Variants in SORCS2 observed in about 807,000 individuals in gnomAD.
The protein encoded by SORCS2 is sortilin related VPS10 domain containing receptor 2.
SORCS2 carries 100 observed loss-of-function variants against 141.6 expected under a neutral mutation model. That is an observed-to-expected ratio of 0.71 (90% CI 0.60 to 0.83). The LOEUF is 0.83. Among genes scored for constraint, SORCS2 ranks in the 40% least tolerant of loss-of-function variants. The pLI is 0.00. For missense variants in SORCS2, 1,646 were observed against 1,560.2 expected, an observed-to-expected ratio of 1.05 and a Z score of -0.93; for synonymous variants, 789 against 676.9, an observed-to-expected ratio of 1.17 and a Z score of -2.57.
At chr4:7,509,491 C>T (rs185532940) in intron 2 of SORCS2, among the ~76,000 whole-genome samples, 3 of 152,264 alleles carry the variant, frequency 2.0e-5, no homozygotes, top group East Asian at 3.9e-4. Flanking sequence ...GCATGTGTTG[C>T]CCATGAGACA....
At chr4:7,296,938 G>A (rs1717106524) in intron 1 of SORCS2, among the ~76,000 whole-genome samples, 1 of 152,190 alleles carries the variant, frequency 6.6e-6, no homozygotes. Context: ...TGTCCGAGGT[G>A]CCCAGGCCAG....
chr4:7,253,324 A>G lies in SORCS2; in HGVS notation c.480+60198A>G, dbSNP rs577625076. 4.3e-3 allele frequency among the ~76,000 whole-genome samples: 658 copies of G among 152,292 alleles called. 2 individuals carry two copies. Among genetic ancestry groups the G allele is most frequent in the Non-Finnish European group, 6.3e-3 (428 of 68,014 alleles). On this transcript the variant is annotated intron_variant, in intron 1 of 26. Coordinates refer to ENST00000507866, the MANE Select transcript of SORCS2 (RefSeq NM_020777.3). ...CTGGGGTCCAGGGCCCCAAGGCTCC[A>G]TCCTGAATCTGTGGCCCTGTGTCCC...
chr4:7,219,806 G>C (rs1328681428), intron 1 of SORCS2, among the ~76,000 whole-genome samples: 1 of 134,626 alleles, frequency 7.4e-6, no homozygotes, highest in Admixed American at 7.6e-5. Context: ...TGGGAATTTG[G>C]AGGGCCTGTG....
At chr4:7,725,349 G>A (rs1161417846) in intron 20 of SORCS2, 62 bp downstream of exon 20, 3 of 1,559,124 alleles carry the variant, frequency 1.9e-6, no homozygotes, top group Non-Finnish European at 2.6e-6. Flanking sequence ...GCTGCACAGT[G>A]GGGCAGAGCA....
intron 1 of SORCS2, among the ~76,000 whole-genome samples, chr4:7,234,193 C>T (rs1479122692): frequency 6.6e-6 from 1 of 152,224 alleles, no homozygotes; most frequent in African/African-American, 2.4e-5. Flanking sequence ...TGTATTGATT[C>T]TTTTGATACC....
At chr4:7,449,678 C>T (rs1043810589) in intron 2 of SORCS2, among the ~76,000 whole-genome samples, 5 of 151,980 alleles carry the variant, frequency 3.3e-5, no homozygotes, top group Non-Finnish European at 5.9e-5. Context: ...TCCGGAGCCC[C>T]CACATCCTCC....
rs1177388727 is a variant in SORCS2 at position 7,664,807 on chromosome 4, C to A, written c.1071+336C>A. Among the ~76,000 whole-genome samples the A allele has an allele frequency of 6.6e-6, 1 of 152,212 alleles. No individual in the cohort carries two copies. Among genetic ancestry groups the A allele is most frequent in the Non-Finnish European group, 1.5e-5 (1 of 68,036 alleles). ...GGAACTGACCAGGACTGCTTCTGGT[C>A]CCGGCTCTTGGCCACCAGGCACCGG... is the stretch of plus-strand genomic sequence containing the variant. On this transcript the variant is annotated intron_variant, in intron 7 of 26. Transcript: ENST00000507866. This position sits in a 1 kb window ranked among gnomAD's most constrained non-coding sequence, Gnocchi z 4.7.
intron 3 of SORCS2, among the ~76,000 whole-genome samples, chr4:7,607,263 T>A (rs924157643): frequency 2.0e-5 from 3 of 152,228 alleles, no homozygotes; most frequent in Non-Finnish European, 4.4e-5. Context: ...AAAATATGTG[T>A]TCAGCATTTC....
chr4:7,387,600 A>T (rs200717118), intron 1 of SORCS2, among the ~76,000 whole-genome samples: 10,053 of 91,986 alleles, frequency 0.11, 988 homozygotes, highest in African/African-American at 0.28. Flanking sequence ...TACACAGAGA[A>T]ACGCACATGC....
chr4:7,193,236 G>A lies in SORCS2; in HGVS notation c.480+110G>A. ...GATCCCCACTATGGTCATCAGGGGC[G>A]GGTTCTTGGCGACTTGGGCACTTGG... On this transcript the variant is annotated intron_variant, in intron 1 of 26. Coordinates refer to ENST00000507866, the MANE Select transcript of SORCS2 (RefSeq NM_020777.3). The surrounding 1 kb of genome is among the most constrained non-coding windows in gnomAD (Gnocchi z 4.8). 1 of 1,273,016 alleles carries A rather than the reference G, an allele frequency of 7.9e-7. No homozygotes were observed. The highest frequency in any genetic ancestry group is 9.9e-7 in the Non-Finnish European group (1 of 1,006,038). The allele number at this position is 1,273,016 out of a possible 1,614,324, so 78.9% of individuals were successfully genotyped here.
intron 1 of SORCS2, among the ~76,000 whole-genome samples, chr4:7,376,435 G>A (rs1722661014): frequency 6.6e-6 from 1 of 152,114 alleles, no homozygotes; most frequent in Non-Finnish European, 1.5e-5. Context: ...AAATTAGCCG[G>A]GTGTGGTGGT....
At chr4:7,275,551 G>A (rs911854915) in intron 1 of SORCS2, among the ~76,000 whole-genome samples, 2 of 152,164 alleles carry the variant, frequency 1.3e-5, no homozygotes, top group Admixed American at 6.5e-5. Flanking sequence ...TTGGGTCAAC[G>A]TGGGTGCAGT....
chr4:7,613,222 G>C (rs1226840564), intron 3 of SORCS2, among the ~76,000 whole-genome samples: 1 of 152,232 alleles, frequency 6.6e-6, no homozygotes, highest in Non-Finnish European at 1.5e-5. Context: ...AGGTCTTCCT[G>C]GTTCCCACTG....
In SORCS2 at chr4:7,552,809, T is replaced by C. The variant is rs543878654; in HGVS notation, c.648+21180T>C. Among the ~76,000 whole-genome samples the C allele has an allele frequency of 1.8e-4, 27 of 152,226 alleles. 1 individual carries two copies. The South Asian group carries it at 5.2e-3, about 29-fold the overall frequency. ...ATGAGCTCTGTATTTGTACAGTCTATAAGGGAGGAATCAGGGTGTGGAGGG... is the reference window on the plus strand; with the variant it reads ...ATGAGCTCTGTATTTGTACAGTCTACAAGGGAGGAATCAGGGTGTGGAGGG... On this transcript the variant is annotated intron_variant, in intron 3 of 26. Transcript: ENST00000507866.
At chr4:7,684,355 C>T (rs919201256) in intron 10 of SORCS2, among the ~76,000 whole-genome samples, 1 of 152,206 alleles carries the variant, frequency 6.6e-6, no homozygotes, top group African/African-American at 2.4e-5. Context: ...TGACATGGAG[C>T]AATCTGCAAG....
At chr4:7,565,058 C>T (rs1024985208) in intron 3 of SORCS2, among the ~76,000 whole-genome samples, 5 of 152,160 alleles carry the variant, frequency 3.3e-5, no homozygotes, top group South Asian at 2.1e-4. Flanking sequence ...GTGTTAGCTA[C>T]CTCGAGCCAA....
Position 7,193,134 on chromosome 4 carries a change from A to G in SORCS2, c.480+8A>G. The G allele has an allele frequency of 6.6e-7, 1 of 1,515,490 alleles. No homozygotes were observed. The highest frequency in any genetic ancestry group is 8.8e-7 in the Non-Finnish European group (1 of 1,142,052). The allele number at this position is 1,515,490 out of a possible 1,614,324, so 93.9% of individuals were successfully genotyped here. On this transcript the variant is annotated splice_region_variant and intron_variant, in intron 1 of 26. Coordinates refer to ENST00000507866, the MANE Select transcript of SORCS2 (RefSeq NM_020777.3). This position sits in a 1 kb window ranked among gnomAD's most constrained non-coding sequence, Gnocchi z 4.8. ...ACGGGCGAGAACAGCAGCGTAAGTG[A>G]CCTCCACGCGCTCGCCGCGGCCCCT...
intron 2 of SORCS2, among the ~76,000 whole-genome samples, chr4:7,510,414 A>G (rs1265454149): frequency 2.6e-5 from 4 of 152,208 alleles, no homozygotes; most frequent in Non-Finnish European, 5.9e-5. Flanking sequence ...CCGTCAGGGA[A>G]GGGCACTCCT....
At chr4:7,289,736 C>T (rs561079876) in intron 1 of SORCS2, among the ~76,000 whole-genome samples, 10 of 152,296 alleles carry the variant, frequency 6.6e-5, no homozygotes, top group East Asian at 1.9e-4. Context: ...AGCAGCGCTT[C>T]GAGGATAAAA....
Sources: allele counts gnomAD v4.1 joint callset (sites outside exome capture counted in the v4.1 genomes callset), GRCh38; gene constraint gnomAD v4.1.1; non-coding constraint Gnocchi (gnomAD v3.1); transcripts MANE v1.5; gene names NCBI Gene and HGNC (gene_info 2026-07-23, HGNC 2026-07-21).